The following FAM53A variants were observed in gnomAD, a reference collection of about 807,000 sequenced individuals.
The protein encoded by FAM53A is protein FAM53A.
A neutral mutation model predicts 26.6 loss-of-function variants in FAM53A; 28 were observed. The ratio of observed to expected loss-of-function variants is 1.05; its 90% CI spans 0.78 to 1.45. The LOEUF (loss-of-function observed/expected upper bound fraction) is 1.45, where lower values mean the gene tolerates loss of function less well. Ranked by LOEUF, FAM53A falls within the 40% of genes most tolerant of loss-of-function variation. FAM53A has a pLI of 0.00. For synonymous variants in FAM53A, 290 were observed against 253.1 expected (o/e 1.15, Z -1.38); for missense variants, 650 against 575.8 (o/e 1.13, Z -1.32).
intron 4 of FAM53A, among the ~76,000 whole-genome samples, chr4:1,647,792 GTA>G (rs1393514251): frequency 2.0e-5 from 3 of 152,220 alleles, no homozygotes; most frequent in Non-Finnish European, 4.4e-5. Context: ...TGCATGGTGG[GTA>G]TGTGTGTGTG....
the FAM53A span, among the ~76,000 whole-genome samples, chr4:1,591,394 A>G: frequency 6.6e-6 from 1 of 152,116 alleles, no homozygotes; most frequent in African/African-American, 2.4e-5. Context: ...TGATGCACCT[A>G]AAGAAGCCAG....
intron 1 of FAM53A, among the ~76,000 whole-genome samples, chr4:1,678,560 G>A (rs538648336): frequency 5.9e-5 from 9 of 152,310 alleles, no homozygotes; most frequent in African/African-American, 1.2e-4. Context: ...GGTGGCCCAC[G>A]CCTGTAATCC....
At chr4:1,606,419 C>T in the FAM53A span, among the ~76,000 whole-genome samples, 15 of 152,058 alleles carry the variant, frequency 9.9e-5, no homozygotes, top group South Asian at 4.2e-4. Context: ...AAGCTCTTCC[C>T]GCCGCGGGCT....
intron 2 of FAM53A, among the ~76,000 whole-genome samples, chr4:1,657,956 A>T (rs763210390): frequency 2.0e-5 from 3 of 149,776 alleles, no homozygotes; most frequent in Non-Finnish European, 3.0e-5. Flanking sequence ...GACATTTTTA[A>T]ATTTTTTAAA....
At chr4:1,618,703 G>A (rs1463706469) in intron 1 of FAM53A, among the ~76,000 whole-genome samples, 1 of 152,186 alleles carries the variant, frequency 6.6e-6, no homozygotes, top group African/African-American at 2.4e-5. Flanking sequence ...CCAGGCCATG[G>A]GGTATGGCCA....
Position 1,630,777 on chromosome 4 carries a change from G to C in FAM53A, c.432-12666C>G, listed in dbSNP as rs1193710865. On this transcript the variant is annotated intron_variant, in intron 1 of 1. Transcript: ENST00000489029. The surrounding 1 kb of genome is among the most constrained non-coding windows in gnomAD (Gnocchi z 4.3). ...GGCAGGGTGGGGAGCGCCCACTCGTGGGGAGGGGGCTCATTTGGGCGATGG... is the reference window on the plus strand; with the variant it reads ...GGCAGGGTGGGGAGCGCCCACTCGTCGGGAGGGGGCTCATTTGGGCGATGG... Among the ~76,000 whole-genome samples, 1 of 152,218 alleles carries C rather than the reference G, an allele frequency of 6.6e-6. No homozygotes were observed. The highest frequency in any genetic ancestry group is 2.1e-4 in the South Asian group (1 of 4,824).
At chr4:1,593,821 A>T in the FAM53A span, among the ~76,000 whole-genome samples, 1 of 152,134 alleles carries the variant, frequency 6.6e-6, no homozygotes, top group Non-Finnish European at 1.5e-5. Context: ...CGGGTGAAAA[A>T]ATTAAGTATT....
chr4:1,629,087 G>C (rs369451094), intron 1 of FAM53A, among the ~76,000 whole-genome samples: 4 of 151,980 alleles, frequency 2.6e-5, no homozygotes, highest in East Asian at 3.9e-4. Context: ...TGCGTTGGGG[G>C]ACAGCACCTC....
chr4:1,649,925 C>T (rs1009711199), intron 4 of FAM53A, among the ~76,000 whole-genome samples: 8 of 142,380 alleles, frequency 5.6e-5, no homozygotes, highest in Non-Finnish European at 7.6e-5. Context: ...GTGGCACAGG[C>T]GTGGCGTTTG....
downstream of FAM53A, among the ~76,000 whole-genome samples, chr4:1,635,950 TCTC>T (rs1256859054): frequency 1.1e-3 from 159 of 150,392 alleles, 1 homozygote; most frequent in African/African-American, 3.6e-3. Flanking sequence ...TTCACACCAT[TCTC>T]CTGCCTCAGC....
chr4:1,636,554 G>A (rs558664385), downstream of FAM53A, among the ~76,000 whole-genome samples: 1 of 152,348 alleles, frequency 6.6e-6, no homozygotes, highest in South Asian at 2.1e-4. Context: ...CTCTCCACCT[G>A]AGCCCACGGC....
At chr4:1,637,063 G>A (rs909454617), downstream of FAM53A, among the ~76,000 whole-genome samples, 1 of 152,158 alleles carries the variant, frequency 6.6e-6, no homozygotes, top group Admixed American at 6.5e-5. Context: ...CTCCTGGTGA[G>A]GGCTGCCTGG....
the FAM53A span, among the ~76,000 whole-genome samples, chr4:1,590,961 T>TACATATATAC: frequency 1.3e-5 from 1 of 76,538 alleles, no homozygotes; most frequent in African/African-American, 7.9e-5. Context: ...AATGCATATA[T>TACATATATAC]ATATATATAT....
At chr4:1,642,685 C>T (rs767073732) in intron 4 of FAM53A, among the ~76,000 whole-genome samples, 1 of 151,446 alleles carries the variant, frequency 6.6e-6, no homozygotes, top group Non-Finnish European at 1.5e-5. Context: ...CGCCACCTCC[C>T]AGTCCTTGCC....
At chr4:1,649,954 CGTGGCGTTTG>C (rs1712611147) in intron 4 of FAM53A, among the ~76,000 whole-genome samples, 1 of 108,536 alleles carries the variant, frequency 9.2e-6, no homozygotes, top group Non-Finnish European at 1.9e-5. Flanking sequence ...GTGGCACAGG[CGTGGCGTTTG>C]ACTGTGAGGT....
intron 2 of FAM53A, among the ~76,000 whole-genome samples, chr4:1,665,392 G>A (rs1714149316): frequency 6.6e-6 from 1 of 151,980 alleles, no homozygotes; most frequent in African/African-American, 2.4e-5. Context: ...GGGAGGCTGA[G>A]GCGAGAGAAT....
chr4:1,625,629 C>T (rs1323857467), intron 1 of FAM53A, among the ~76,000 whole-genome samples: 2 of 113,580 alleles, frequency 1.8e-5, no homozygotes, highest in South Asian at 3.4e-4. Context: ...GTCAGGGTCA[C>T]GCCAGGTGAT....
rs758097777 is a variant in FAM53A, at chr4:1,655,177, C to A, written c.683G>T (p.Arg228Leu). 4 of 1,571,380 alleles carry A rather than the reference C, an allele frequency of 2.5e-6. No individual in the cohort carries two copies. The South Asian group carries it at 3.4e-5, about 14-fold the overall frequency. ...CAGGGGAGTGCCCGCACCCGCGAGT[C>A]GCTCCTGTGAGAGGGACGGGCGGCG... Reference protein sequence around the residue: ...TRRRPSLSQERLAGAGTPLPW... With the variant: ...TRRRPSLSQELLAGAGTPLPW... Residue 228 changes from arginine to leucine, a missense_variant, in exon 4 of 5, where the codon CGA (arginine) becomes CTA (leucine). Physicochemically the swap from Arg to Leu is moderately radical, Grantham distance 102. Coordinates refer to ENST00000308132, the MANE Select transcript of FAM53A (RefSeq NM_001174070.3).
chr4:1,631,626 AAG>A (rs1378779312), intron 1 of FAM53A, among the ~76,000 whole-genome samples: 3 of 152,138 alleles, frequency 2.0e-5, no homozygotes, highest in Non-Finnish European at 2.9e-5. Context: ...GCCCCAGAGA[AAG>A]AGAGTGGGGA....
Sources: gnomAD v4.1 joint callset for allele counts (sites outside exome capture counted in the v4.1 genomes callset) on GRCh38, gnomAD v4.1.1 for gene constraint, Gnocchi (gnomAD v3.1) non-coding constraint, MANE v1.5 for transcripts, NCBI Gene and HGNC (gene_info 2026-07-23, HGNC 2026-07-21) for gene names.